SMURF1: variants seen among roughly 807,000 people sequenced by gnomAD.
The protein encoded by SMURF1 is SMAD specific E3 ubiquitin protein ligase 1.
In SMURF1, 44 loss-of-function variants were observed where a neutral mutation model predicts 98.0. That is an observed-to-expected ratio of 0.45 (90% CI 0.35 to 0.58). The LOEUF (loss-of-function observed/expected upper bound fraction) is 0.58, where lower values mean the gene tolerates loss of function less well. Ranked by LOEUF, SMURF1 falls within the 20% of genes least tolerant of loss-of-function variation. The probability of loss-of-function intolerance (pLI) is 0.00; values close to 1 mark genes in which losing one functional copy is unlikely to be tolerated. For synonymous variants in SMURF1, 396 were observed against 374.9 expected, an observed-to-expected ratio of 1.06 and a Z score of -0.65; for missense variants, 687 against 938.4, an observed-to-expected ratio of 0.73 and a Z score of 3.50.
At chr7:99,094,162 C>T (rs1202073452) in intron 1 of SMURF1, among the ~76,000 whole-genome samples, 2 of 152,092 alleles carry the variant, frequency 1.3e-5, no homozygotes, top group Non-Finnish European at 1.5e-5. Flanking sequence ...CAATTAGGAT[C>T]ACACTAAAAA....
At chr7:99,047,922 G>A (rs868492762) in intron 9 of SMURF1, 40 bp from the exon 10 acceptor site, 14 of 1,599,268 alleles carry the variant, frequency 8.8e-6, no homozygotes, top group Middle Eastern at 2.1e-4. Context: ...CCGAAGCCCC[G>A]GCCAGGGGAG....
intron 1 of SMURF1, among the ~76,000 whole-genome samples, chr7:99,093,959 A>AT (rs1385923089): frequency 6.6e-6 from 1 of 152,212 alleles, no homozygotes; most frequent in Non-Finnish European, 1.5e-5. Flanking sequence ...CGTAGGTGTC[A>AT]TTAATAGCTC....
chr7:99,057,644 C>T (rs1795917522), intron 3 of SMURF1, 93 bp from the exon 4 acceptor site: 9 of 1,387,870 alleles, frequency 6.5e-6, no homozygotes, highest in Admixed American at 6.7e-5. Flanking sequence ...GCTCTGTTGC[C>T]CCCAGGCTGG....
chr7:99,113,827 A>T (rs994701089), intron 1 of SMURF1, among the ~76,000 whole-genome samples: 1 of 105,500 alleles, frequency 9.5e-6, no homozygotes, highest in Non-Finnish European at 1.8e-5. Context: ...TGACAAAGTG[A>T]GACTCCGTCT....
chr7:99,055,756 G>A (rs1440162934), intron 5 of SMURF1, among the ~76,000 whole-genome samples: 2 of 152,110 alleles, frequency 1.3e-5, no homozygotes, highest in Non-Finnish European at 2.9e-5. Context: ...CCTGAGGCTG[G>A]GAGTTCCAGA....
chr7:99,044,480 C>G (rs1440479247), intron 11 of SMURF1, among the ~76,000 whole-genome samples: 1 of 152,196 alleles, frequency 6.6e-6, no homozygotes, highest in Non-Finnish European at 1.5e-5. Context: ...GCATAGGAGA[C>G]TGACCAAATT....
chr7:99,074,077 TTCAATG>T (rs2150560055), intron 1 of SMURF1, among the ~76,000 whole-genome samples: 1 of 152,290 alleles, frequency 6.6e-6, no homozygotes, highest in African/African-American at 2.4e-5. Flanking sequence ...AAACATAATA[TTCAATG>T]AAAGCCACAA....
chr7:99,141,566 A>G (rs1362855972), intron 1 of SMURF1, among the ~76,000 whole-genome samples: 1 of 152,184 alleles, frequency 6.6e-6, no homozygotes, highest in Non-Finnish European at 1.5e-5. Context: ...GCATAAAGAA[A>G]TGTATTTCCC....
intron 1 of SMURF1, among the ~76,000 whole-genome samples, chr7:99,143,236 G>A (rs1798175882): frequency 1.6e-5 from 2 of 126,892 alleles, no homozygotes; most frequent in South Asian, 5.9e-4. Context: ...GGACCACAGG[G>A]ATGGAGGTGA....
At chr7:99,043,307 G>A (rs747193198) in intron 11 of SMURF1, among the ~76,000 whole-genome samples, 7 of 152,108 alleles carry the variant, frequency 4.6e-5, no homozygotes, top group East Asian at 1.9e-4. Context: ...CCCACAGATC[G>A]GATAATGAAC....
intron 1 of SMURF1, among the ~76,000 whole-genome samples, chr7:99,087,536 T>C (rs1796712151): frequency 2.0e-5 from 3 of 152,214 alleles, no homozygotes; most frequent in African/African-American, 7.2e-5. Context: ...TTAAATAAAT[T>C]ATTTAAACAA....
chr7:99,045,569 CG>C (rs1795547309), intron 11 of SMURF1, 128 bp downstream of exon 11: 1 of 712,544 alleles, frequency 1.4e-6, no homozygotes, highest in African/African-American at 1.8e-5. Context: ...CATGATGGCC[CG>C]ACTGCTCCAA....
chr7:99,057,605 G>GTTTTTTTTTTTTTTT (rs548576398), intron 3 of SMURF1, 54 bp from the exon 4 acceptor site: 8 of 1,105,106 alleles, frequency 7.2e-6, no homozygotes, highest in Non-Finnish European at 8.1e-6. Context: ...TTTTTGTTTT[G>GTTTTTTTTTTTTTTT]TTTTTTTTTT....
intron 1 of SMURF1, among the ~76,000 whole-genome samples, chr7:99,126,838 G>A (rs185979384): frequency 1.3e-5 from 2 of 152,334 alleles, no homozygotes; most frequent in African/African-American, 4.8e-5. Context: ...CATTCAAAGT[G>A]TTATGAATTT....
At chr7:99,121,543 C>T (rs1797622656) in intron 1 of SMURF1, among the ~76,000 whole-genome samples, 1 of 152,012 alleles carries the variant, frequency 6.6e-6, no homozygotes, top group Non-Finnish European at 1.5e-5. Context: ...CACTCGCATC[C>T]TCCTCTTCTC....
chr7:99,109,436 A>T (rs574787694), intron 1 of SMURF1, among the ~76,000 whole-genome samples: 3 of 151,694 alleles, frequency 2.0e-5, no homozygotes, highest in Admixed American at 2.0e-4. Context: ...GGGTTCAAAC[A>T]CTCACTGAGC....
chr7:99,108,436 C>T (rs1584188515), intron 1 of SMURF1, among the ~76,000 whole-genome samples: 1 of 151,238 alleles, frequency 6.6e-6, no homozygotes, highest in Admixed American at 6.6e-5. Flanking sequence ...ATGGTGAAAC[C>T]CCGTCTCTAC....
intron 1 of SMURF1, among the ~76,000 whole-genome samples, chr7:99,118,749 G>C (rs536110015): frequency 6.6e-6 from 1 of 152,136 alleles, no homozygotes. Flanking sequence ...TGTACTAAGA[G>C]CCACTTAATT....
chr7:99,035,270 G>A lies in SMURF1; in HGVS notation c.2011+245C>T, dbSNP rs116379196. ...CCTCTTGGCTTTTTGGAAGCAGTGA[G>A]GAGGGGGAATCCAGGTGCCCTGGAG... On this transcript the variant is annotated intron_variant, in intron 16 of 17. Transcript: ENST00000361368. 836 of 552,904 alleles carry A rather than the reference G, an allele frequency of 1.5e-3. 5 individuals carry two copies. The highest frequency in any genetic ancestry group is 0.014 in the African/African-American group (718 of 52,970). The allele number at this position is 552,904 out of a possible 1,614,324, so 34.2% of individuals were successfully genotyped here.
Sources: allele counts gnomAD v4.1 joint callset (sites outside exome capture counted in the v4.1 genomes callset), GRCh38; gene constraint gnomAD v4.1.1; transcripts MANE v1.5; gene names NCBI Gene and HGNC (gene_info 2026-07-23, HGNC 2026-07-21).